Variants in ARSK observed in about 807,000 individuals in gnomAD.
ARSK encodes the protein arylsulfatase family member K.
ARSK carries 37 observed loss-of-function variants against 53.2 expected under a neutral mutation model. The observed-to-expected ratio is 0.70, with a 90% CI of 0.54 to 0.92. The LOEUF is 0.92. ARSK is among the 40% of genes least tolerant of loss of function. The pLI, the probability that ARSK is intolerant of heterozygous loss-of-function variation, is 0.00. For synonymous variants in ARSK, 208 were observed against 223.2 expected (o/e 0.93, Z 0.61); for missense variants, 613 against 643.0 (o/e 0.95, Z 0.51).
At position 95,583,125 on chromosome 5, in the gene ARSK, C is replaced by G. The variant is rs1340798471; in HGVS notation, c.626C>G (p.Pro209Arg). The G allele has an allele frequency of 1.2e-6, 2 of 1,610,290 alleles. No individual in the cohort carries two copies. The highest frequency in any genetic ancestry group is 2.7e-5 in the African/African-American group (2 of 74,882). ...TACTTGGGATTAAATTTACCACACC[C>G]TTACCCTTCACCATCTTCTGGAGAA... ...VIYLGLNLPHPYPSPSSGENF... is the reference protein window; with the variant it reads ...VIYLGLNLPHRYPSPSSGENF... Residue 209 changes from proline to arginine, a missense_variant, in exon 4 of 8, where the codon CCT becomes CGT. By Grantham distance (103) the Pro-to-Arg change is moderately radical. Transcript: ENST00000380009.
intron 4 of ARSK, among the ~76,000 whole-genome samples, chr5:95,583,695 A>G (rs547625509): frequency 1.3e-5 from 2 of 152,320 alleles, no homozygotes; most frequent in African/African-American, 4.8e-5. Context: ...AGAATTAAAG[A>G]GGGAATTTTT....
intron 1 of ARSK, 144 bp from the exon 2 acceptor site, chr5:95,565,854 C>A: frequency 1.4e-6 from 1 of 725,344 alleles, no homozygotes; most frequent in Non-Finnish European, 2.2e-6. Context: ...ACTGGAAACA[C>A]CCTCTATACT....
At chr5:95,587,948 T>C (rs1333351315) in intron 5 of ARSK, among the ~76,000 whole-genome samples, 1 of 152,090 alleles carries the variant, frequency 6.6e-6, no homozygotes, top group Non-Finnish European at 1.5e-5. Context: ...ATAAGGACTT[T>C]CCAAGTACTC....
intron 1 of ARSK, among the ~76,000 whole-genome samples, chr5:95,561,580 T>C (rs2112411501): frequency 6.6e-6 from 1 of 152,318 alleles, no homozygotes; most frequent in Middle Eastern, 3.4e-3. Context: ...ATAAAAAATA[T>C]GGTATATGCT....
intron 4 of ARSK, among the ~76,000 whole-genome samples, chr5:95,583,675 A>G (rs545697388): frequency 7.2e-5 from 11 of 152,314 alleles, no homozygotes; most frequent in African/African-American, 2.4e-4. Context: ...TGAAAACACT[A>G]GAAACATTGA....
intron 3 of ARSK, among the ~76,000 whole-genome samples, chr5:95,570,345 A>G (rs1018189105): frequency 6.6e-6 from 1 of 152,204 alleles, no homozygotes; most frequent in African/African-American, 2.4e-5. Flanking sequence ...TGCATGAGCT[A>G]GTTTCTCTGT....
intron 1 of ARSK, among the ~76,000 whole-genome samples, chr5:95,558,542 TTAAGAAA>T (rs1348612225): frequency 6.6e-6 from 1 of 152,120 alleles, no homozygotes; most frequent in African/African-American, 2.4e-5. Flanking sequence ...TTACATTATC[TTAAGAAA>T]TAAAAGAATT....
chr5:95,561,939 G>A (rs747979082), intron 1 of ARSK, among the ~76,000 whole-genome samples: 1 of 152,142 alleles, frequency 6.6e-6, no homozygotes, highest in Non-Finnish European at 1.5e-5. Flanking sequence ...AACAGGCTAG[G>A]CACGGTGGTT....
At chr5:95,564,628 C>G (rs934688199) in intron 1 of ARSK, among the ~76,000 whole-genome samples, 1 of 152,184 alleles carries the variant, frequency 6.6e-6, no homozygotes, top group African/African-American at 2.4e-5. Context: ...GTCAGGGTCA[C>G]CAGCTGTCTC....
intron 3 of ARSK, among the ~76,000 whole-genome samples, chr5:95,572,852 T>G (rs1285475840): frequency 2.0e-5 from 3 of 152,218 alleles, no homozygotes; most frequent in Non-Finnish European, 4.4e-5. Flanking sequence ...GTAGTGGTTT[T>G]CAACTGAGGG....
chr5:95,577,966 G>T (rs1748953525), intron 3 of ARSK, among the ~76,000 whole-genome samples: 1 of 152,060 alleles, frequency 6.6e-6, no homozygotes, highest in South Asian at 2.1e-4. Context: ...AAATGTAAAA[G>T]CATGCATATT....
intron 5 of ARSK, among the ~76,000 whole-genome samples, chr5:95,589,459 T>C (rs1030164356): frequency 1.3e-5 from 2 of 152,148 alleles, no homozygotes; most frequent in African/African-American, 4.8e-5. Context: ...CCCCAATGTG[T>C]ATTGTTCCCC....
intron 3 of ARSK, among the ~76,000 whole-genome samples, chr5:95,571,953 T>G (rs1008163634): frequency 6.6e-6 from 1 of 152,246 alleles, no homozygotes; most frequent in African/African-American, 2.4e-5. Flanking sequence ...GTTGATAGAT[T>G]GACTTTCAAA....
Position 95,603,418 on chromosome 5 carries a change from C to T in ARSK, c.1503C>T (p.Asn501=), listed in dbSNP as rs750310175. The T allele has an allele frequency of 1.5e-5, 25 of 1,613,386 alleles. No homozygotes were observed. Among genetic ancestry groups the T allele is most frequent in the African/African-American group, 4.0e-5 (3 of 74,838 alleles). ...WKQSIGQNYS[N]VIANLRWHQD... Reference sequence around the variant, plus strand: ...AAAGTATAGGACAGAATTATTCAAACGTTATAGCAAATCTTAGGTGGCACC... The same window carrying T: ...AAAGTATAGGACAGAATTATTCAAATGTTATAGCAAATCTTAGGTGGCACC... Residue 501 remains asparagine, a synonymous_variant, in exon 8 of 8, where the codon AAC becomes AAT. Transcript: ENST00000380009.
intron 1 of ARSK, among the ~76,000 whole-genome samples, chr5:95,558,230 G>A (rs531780588): frequency 4.6e-5 from 7 of 152,270 alleles, no homozygotes; most frequent in Non-Finnish European, 7.4e-5. Context: ...TGCCAAGTGC[G>A]GAAAGTTGAG....
chr5:95,585,785 C>T (rs1749101909), intron 4 of ARSK, among the ~76,000 whole-genome samples: 1 of 152,014 alleles, frequency 6.6e-6, no homozygotes, highest in African/African-American at 2.4e-5. Context: ...CATGCAACCA[C>T]GCCTGTTCCC....
intron 5 of ARSK, among the ~76,000 whole-genome samples, chr5:95,590,451 C>T (rs1749193004): frequency 6.6e-6 from 1 of 151,886 alleles, no homozygotes; most frequent in Admixed American, 6.6e-5. Context: ...AGGGATGTGA[C>T]ACAATGGAGT....
At chr5:95,597,077 C>T (rs964258252) in intron 6 of ARSK, among the ~76,000 whole-genome samples, 5 of 151,980 alleles carry the variant, frequency 3.3e-5, no homozygotes, top group East Asian at 1.9e-4. Flanking sequence ...AATTACTTCC[C>T]GAAATATTTT....
At chr5:95,591,734 G>T (rs918617100) in intron 6 of ARSK, 109 bp downstream of exon 6, 1 of 1,002,162 alleles carries the variant, frequency 1.0e-6, no homozygotes, top group Non-Finnish European at 1.5e-6. Context: ...CTGCTGACTT[G>T]TTTATAACCC....
Sources: gnomAD v4.1 joint callset for allele counts (sites outside exome capture counted in the v4.1 genomes callset) on GRCh38, gnomAD v4.1.1 for gene constraint, MANE v1.5 for transcripts, NCBI Gene and HGNC (gene_info 2026-07-23, HGNC 2026-07-21) for gene names.